Variants in UGGT2 observed in about 807,000 individuals in gnomAD.
The protein encoded by UGGT2 is UDP-glucose:glycoprotein glucosyltransferase 2.
UGGT2 carries 180 observed loss-of-function variants against 192.1 expected under a neutral mutation model. That is an observed-to-expected ratio of 0.94 (90% CI 0.83 to 1.06). The LOEUF is 1.06. Ranked by LOEUF, UGGT2 falls within the 50% of genes least tolerant of loss-of-function variation. UGGT2 has a pLI of 0.00. For synonymous variants in UGGT2, 580 were observed against 591.0 expected, an observed-to-expected ratio of 0.98 and a Z score of 0.27; for missense variants, 1,849 against 1,795.7, an observed-to-expected ratio of 1.03 and a Z score of -0.54.
At chr13:95,971,278 G>T (rs1268982291) in intron 11 of UGGT2, among the ~76,000 whole-genome samples, 1 of 152,158 alleles carries the variant, frequency 6.6e-6, no homozygotes, top group South Asian at 2.1e-4. Flanking sequence ...TCTGTAATAT[G>T]ACATTTTACT....
At chr13:95,929,530 C>G (rs1407917454) in intron 17 of UGGT2, among the ~76,000 whole-genome samples, 2 of 152,188 alleles carry the variant, frequency 1.3e-5, no homozygotes, top group Non-Finnish European at 2.9e-5. Flanking sequence ...AGCTCCCACT[C>G]ATAAGAGAGA....
In UGGT2 at chr13:95,929,726, A is replaced by T. The variant is rs190169718; in HGVS notation, c.1978-2390T>A. Among the ~76,000 whole-genome samples, 4 of 152,314 alleles carry T rather than the reference A, an allele frequency of 2.6e-5. No homozygotes were observed. The East Asian group carries it at 5.8e-4, about 22-fold the overall frequency. On this transcript the variant is annotated intron_variant, in intron 17 of 38. Transcript: ENST00000376747. ...CCTAGGCTGATTCTACATCTTTGCT[A>T]TTATGAATAGTGCTGCAGTGAACAT...
In UGGT2 at chr13:95,859,418, G is replaced by A. The variant is rs539613065; in HGVS notation, c.3825+173C>T. ...TATACAGTCTTCTGTCCTCTCCTTT[G>A]AACATCTCTAAATAAAAATTGTACA... On this transcript the variant is annotated intron_variant, in intron 33 of 38. Transcript: ENST00000376747. Among the ~76,000 whole-genome samples the A allele has an allele frequency of 7.2e-5, 11 of 151,902 alleles. No homozygotes were observed. In the East Asian group the frequency reaches 7.7e-4, roughly 11 times the overall value.
intron 1 of UGGT2, among the ~76,000 whole-genome samples, chr13:96,035,809 G>C (rs557604130): frequency 6.6e-6 from 1 of 152,282 alleles, no homozygotes; most frequent in Admixed American, 6.5e-5. Context: ...ATGAAAAAAA[G>C]CTCCACATCA....
intron 36 of UGGT2, among the ~76,000 whole-genome samples, chr13:95,845,286 A>G (rs998781003): frequency 6.6e-6 from 1 of 150,698 alleles, no homozygotes. Context: ...AAACTTGTGA[A>G]CAAAGGTCTC....
chr13:95,955,003 G>C (rs1566751556), intron 12 of UGGT2, among the ~76,000 whole-genome samples: 2 of 152,192 alleles, frequency 1.3e-5, no homozygotes, highest in African/African-American at 4.8e-5. Context: ...AGTTGTCTAT[G>C]CCCGATGTCT....
At chr13:95,913,258 AG>A (rs1309974108) in intron 20 of UGGT2, among the ~76,000 whole-genome samples, 1 of 152,258 alleles carries the variant, frequency 6.6e-6, no homozygotes, top group Non-Finnish European at 1.5e-5. Context: ...TAAACTAAAG[AG>A]CTTCTCCACA....
chr13:95,864,794 C>G (rs1282997095), intron 30 of UGGT2, among the ~76,000 whole-genome samples: 2 of 152,152 alleles, frequency 1.3e-5, no homozygotes, highest in Non-Finnish European at 2.9e-5. Flanking sequence ...TTCACCATTT[C>G]TTGAACTACC....
In UGGT2 at chr13:95,903,098, T is replaced by C. The variant is rs774464400; in HGVS notation, c.2296-38A>G. On this transcript the variant is annotated intron_variant, in intron 20 of 38. Coordinates refer to ENST00000376747, the MANE Select transcript of UGGT2 (RefSeq NM_020121.4). ...TTATAGATTAAAAAGACCAGTATCATACATATCATTTTACAGGTGAATATA... is the reference window on the plus strand; with the variant it reads ...TTATAGATTAAAAAGACCAGTATCACACATATCATTTTACAGGTGAATATA... 31 of 1,562,056 alleles carry C rather than the reference T, an allele frequency of 2.0e-5. No homozygotes were observed. In the East Asian group the frequency reaches 2.7e-4, roughly 14 times the overall value.
intron 19 of UGGT2, among the ~76,000 whole-genome samples, chr13:95,926,174 G>A (rs1463336998): frequency 6.6e-6 from 1 of 151,984 alleles, no homozygotes; most frequent in Non-Finnish European, 1.5e-5. Context: ...AGTAGATATA[G>A]AAAACAGCAA....
intron 12 of UGGT2, among the ~76,000 whole-genome samples, chr13:95,949,988 T>C (rs1364686819): frequency 6.6e-6 from 1 of 152,056 alleles, no homozygotes; most frequent in African/African-American, 2.4e-5. Flanking sequence ...GGCATTATGG[T>C]CCTTGAAAGC....
chr13:96,000,679 T>C (rs1316570363), intron 5 of UGGT2, among the ~76,000 whole-genome samples: 2 of 152,156 alleles, frequency 1.3e-5, no homozygotes, highest in Non-Finnish European at 2.9e-5. Flanking sequence ...ATAAAAGAAA[T>C]GCAATTTCAC....
chr13:95,873,613 G>A (rs559308184), intron 29 of UGGT2, among the ~76,000 whole-genome samples: 2 of 152,230 alleles, frequency 1.3e-5, no homozygotes, highest in South Asian at 4.1e-4. Flanking sequence ...CTCTCTGCCT[G>A]ACTCCTCTTC....
intron 1 of UGGT2, among the ~76,000 whole-genome samples, chr13:96,037,399 A>G (rs2053036896): frequency 6.6e-6 from 1 of 152,208 alleles, no homozygotes; most frequent in Non-Finnish European, 1.5e-5. Context: ...GGGTTTCACC[A>G]TGTTGGCTAC....
At position 95,942,863 on chromosome 13, in the gene UGGT2, C is replaced by T. The variant is rs138137245; in HGVS notation, c.1678-2772G>A. On this transcript the variant is annotated intron_variant, in intron 15 of 38. Transcript: ENST00000376747. Reference sequence around the variant, plus strand: ...CTTTTTAAGTTTTATCTAGGAAACCCTTACCTTGAGGTCCTAACTTCTAAA... The same window carrying T: ...CTTTTTAAGTTTTATCTAGGAAACCTTTACCTTGAGGTCCTAACTTCTAAA... 4.4e-3 allele frequency among the ~76,000 whole-genome samples: 666 copies of T among 152,212 alleles called. 3 individuals carry two copies. Among genetic ancestry groups the T allele is most frequent in the African/African-American group, 0.015 (641 of 41,540 alleles).
intron 36 of UGGT2, among the ~76,000 whole-genome samples, chr13:95,847,454 C>A (rs752238691): frequency 1.3e-5 from 2 of 152,196 alleles, no homozygotes; most frequent in African/African-American, 2.4e-5. Context: ...ATATTCATCA[C>A]TTGCCCCCTC....
intron 29 of UGGT2, among the ~76,000 whole-genome samples, chr13:95,868,084 A>G (rs1890841277): frequency 1.3e-5 from 2 of 152,194 alleles, no homozygotes. Context: ...ATAAAGTTGA[A>G]TTTTGTTGAA....
At chr13:95,872,628 G>GT (rs369422976) in intron 29 of UGGT2, among the ~76,000 whole-genome samples, 13 of 152,156 alleles carry the variant, frequency 8.5e-5, no homozygotes, top group African/African-American at 3.1e-4. Context: ...TTATGACTAA[G>GT]TATATGGTTT....
intron 2 of UGGT2, among the ~76,000 whole-genome samples, chr13:96,029,857 T>C (rs541443588): frequency 6.6e-6 from 1 of 152,294 alleles, no homozygotes; most frequent in South Asian, 2.1e-4. Context: ...CCAAAAAGCA[T>C]GTACTGAGAA....
Sources: allele counts gnomAD v4.1 joint callset (sites outside exome capture counted in the v4.1 genomes callset), GRCh38; gene constraint gnomAD v4.1.1; transcripts MANE v1.5; gene names NCBI Gene and HGNC (gene_info 2026-07-23, HGNC 2026-07-21).